The following CASP8 variants were observed in gnomAD, a reference collection of about 807,000 sequenced individuals.
The protein encoded by CASP8 is caspase-8.
CASP8 carries 24 observed loss-of-function variants against 46.3 expected under a neutral mutation model. That is an observed-to-expected ratio of 0.52 (90% confidence interval 0.38 to 0.73). The LOEUF (loss-of-function observed/expected upper bound fraction) is 0.73, where lower values mean the gene tolerates loss of function less well. Among genes scored for constraint, CASP8 ranks in the 30% least tolerant of loss-of-function variants. The pLI is 0.00. For missense variants in CASP8, 460 were observed against 559.0 expected (o/e 0.82, Z 1.79); for synonymous variants, 188 against 200.4 (o/e 0.94, Z 0.52).
chr2:201,251,668 G>A (rs1576239155), intron 2 of CASP8, among the ~76,000 whole-genome samples: 2 of 151,350 alleles, frequency 1.3e-5, no homozygotes, highest in Non-Finnish European at 1.5e-5. Context: ...TTTGGGAGGC[G>A]GAGGCAGGTG....
chr2:201,259,848 T>TA (rs1947262148), upstream of CASP8, among the ~76,000 whole-genome samples: 2 of 152,082 alleles, frequency 1.3e-5, no homozygotes, highest in South Asian at 4.1e-4. Context: ...AAGATGGACT[T>TA]ACCATCTTAC....
At position 201,271,638 on chromosome 2, in the gene CASP8, T is replaced by C. The variant is rs765944330; in HGVS notation, c.411+17T>C. 1.4e-6 allele frequency: 2 copies of C among 1,438,158 alleles called. No individual in the cohort carries two copies. The highest frequency in any genetic ancestry group is 2.3e-5 in the South Asian group (2 of 87,596). 89.1% of individuals were successfully genotyped at this position (1,438,158 alleles called of 1,614,324 possible). ...GATGACATGGTAAGACCTGGTATCT[T>C]ACTGAGATTTAGTCCTGAGACTTGG... On this transcript the variant is annotated intron_variant, in intron 3 of 8. Transcript: ENST00000673742.
upstream of CASP8, among the ~76,000 whole-genome samples, chr2:201,255,874 C>T (rs888656817): frequency 6.6e-6 from 1 of 152,134 alleles, no homozygotes; most frequent in South Asian, 2.1e-4. Flanking sequence ...CTCACCTCAG[C>T]CTCCTGAGTA....
At chr2:201,286,314 A>G (rs1949554757) in intron 8 of CASP8, 145 bp from the exon 9 acceptor site, 2 of 883,540 alleles carry the variant, frequency 2.3e-6, no homozygotes, top group Non-Finnish European at 1.8e-6. Flanking sequence ...AAGCTGGGGT[A>G]GGTCTTGGTT....
At position 201,283,464 on chromosome 2, in the gene CASP8, T is replaced by G. The variant is rs1206341279; in HGVS notation, c.803-1352T>G. ...GGGGTTGACCCCCCCACCTCCCTCC[T>G]GGACGGGGCGACTGGCCGGGCAGAG... On this transcript the variant is annotated intron_variant, in intron 7 of 8. Transcript: ENST00000673742. Among the ~76,000 whole-genome samples the G allele has an allele frequency of 5.3e-3, 381 of 71,634 alleles. 1 individual carries two copies. Among genetic ancestry groups the G allele is most frequent in the African/African-American group, 0.017 (369 of 21,342 alleles). 47.0% of individuals were successfully genotyped at this position (71,634 alleles called of 152,430 possible).
chr2:201,240,732 T>C (rs936278170), intron 2 of CASP8: 19 of 152,152 alleles, frequency 1.2e-4, no homozygotes, highest in African/African-American at 4.6e-4. Flanking sequence ...ACACACATTA[T>C]CCTCAAATGC....
intron 7 of CASP8, among the ~76,000 whole-genome samples, chr2:201,283,223 G>T (rs1949250639): frequency 1.3e-5 from 1 of 78,354 alleles, no homozygotes; most frequent in Non-Finnish European, 3.0e-5. Context: ...GCGGGGGGCT[G>T]ACCCCCCACC....
intron 8 of CASP8, 104 bp from the exon 9 acceptor site, chr2:201,286,355 T>C: frequency 7.1e-7 from 1 of 1,412,070 alleles, no homozygotes; most frequent in Non-Finnish European, 9.9e-7. Flanking sequence ...TGACTGATAT[T>C]TTGAGAGAAA....
intron 2 of CASP8, among the ~76,000 whole-genome samples, chr2:201,246,223 C>T (rs1946513303): frequency 6.6e-6 from 1 of 152,138 alleles, no homozygotes; most frequent in African/African-American, 2.4e-5. Context: ...CTTTCGTTTT[C>T]AGTCTGGCAT....
intron 2 of CASP8, among the ~76,000 whole-genome samples, chr2:201,254,869 G>A (rs961657379): frequency 8.5e-5 from 13 of 152,214 alleles, no homozygotes; most frequent in Non-Finnish European, 2.9e-5. Context: ...GCAGGAGCCA[G>A]CTCTCCATGT....
At chr2:201,268,423 C>T (rs1283051038) in intron 2 of CASP8, among the ~76,000 whole-genome samples, 4 of 152,164 alleles carry the variant, frequency 2.6e-5, no homozygotes, top group South Asian at 2.1e-4. Context: ...TGGCGGCTCA[C>T]GCCTGTAATC....
intron 2 of CASP8, chr2:201,241,085 G>GA (rs1287115279): frequency 6.6e-6 from 1 of 152,122 alleles, no homozygotes; most frequent in Non-Finnish European, 1.5e-5. Flanking sequence ...TGAAAAAGAA[G>GA]AAAGATCTCA....
intron 2 of CASP8, among the ~76,000 whole-genome samples, chr2:201,245,310 A>T (rs1483028659): frequency 6.6e-6 from 1 of 151,866 alleles, no homozygotes; most frequent in African/African-American, 2.4e-5. Flanking sequence ...CAGTGGCTCA[A>T]TCTCACTGCT....
intron 1 of CASP8, among the ~76,000 whole-genome samples, chr2:201,265,019 T>C (rs1947701064): frequency 6.6e-6 from 1 of 152,082 alleles, no homozygotes; most frequent in South Asian, 2.1e-4. Flanking sequence ...GCCTCTGTGG[T>C]TTCCATTTCC....
chr2:201,282,928 G>A (rs1949201564), intron 7 of CASP8, among the ~76,000 whole-genome samples: 1 of 71,054 alleles, frequency 1.4e-5, no homozygotes, highest in Non-Finnish European at 3.5e-5. Context: ...CGGACGGGGC[G>A]GCTGGCCAGG....
At chr2:201,260,078 A>G (rs954018962), upstream of CASP8, among the ~76,000 whole-genome samples, 6 of 151,004 alleles carry the variant, frequency 4.0e-5, no homozygotes, top group Non-Finnish European at 5.9e-5. Context: ...CAGGGGCTTT[A>G]GCTCTGAAAG....
In CASP8 at chr2:201,272,797, G is replaced by A. The variant is rs200607186; in HGVS notation, c.550+21G>A. The A allele has an allele frequency of 1.9e-5, 30 of 1,614,140 alleles. No individual in the cohort carries two copies. The East Asian group carries it at 2.9e-4, about 16-fold the overall frequency. ...CAAAGGTAGAAACAACCTGACAGCC[G>A]GGAATCGGCAAAACCTACTCTAAAA... On this transcript the variant is annotated intron_variant, in intron 4 of 8. Transcript: ENST00000673742. This position sits in a 1 kb window ranked among gnomAD's most constrained non-coding sequence, Gnocchi z 4.4.
At chr2:201,280,690 C>A (rs556077530) in intron 7 of CASP8, among the ~76,000 whole-genome samples, 4 of 152,242 alleles carry the variant, frequency 2.6e-5, no homozygotes, top group African/African-American at 9.6e-5. Flanking sequence ...AAACAGGGAA[C>A]CTACTATGGA....
chr2:201,271,603 C>G lies in CASP8; in HGVS notation c.393C>G (p.Cys131Trp). 6.3e-7 allele frequency: 1 copy of G among 1,591,140 alleles called. No individual in the cohort carries two copies. The highest frequency in any genetic ancestry group is 8.6e-7 in the Non-Finnish European group (1 of 1,159,092). The change falls in exon 3 of 9, where the codon TGC becomes TGG. Residue 131 changes from cysteine (C) to tryptophan (W), a missense_variant. Coordinates refer to ENST00000673742, the MANE Select transcript of CASP8 (RefSeq NM_001372051.1). ...TTTTGCAAGAGGAAATCTCCAAATG[C>G]AAACTGGATGATGACATGGTAAGAC... ...KFLLQEEISK[C>W]KLDDDMNLLD...
Sources: allele counts gnomAD v4.1 joint callset (sites outside exome capture counted in the v4.1 genomes callset), GRCh38; gene constraint gnomAD v4.1.1; non-coding constraint Gnocchi (gnomAD v3.1); transcripts MANE v1.5; gene names NCBI Gene and HGNC (gene_info 2026-07-23, HGNC 2026-07-21).